DLG2: variants seen among roughly 807,000 people sequenced by gnomAD.
DLG2 encodes the protein disks large homolog 2.
DLG2 carries 45 observed loss-of-function variants against 132.5 expected under a neutral mutation model. The observed-to-expected ratio is 0.34, with a 90% CI of 0.27 to 0.44. The LOEUF (loss-of-function observed/expected upper bound fraction) is 0.44. Among genes scored for constraint, DLG2 ranks in the 20% least tolerant of loss-of-function variants. The pLI is 1.00. For missense variants in DLG2, 1,045 were observed against 1,196.9 expected (o/e 0.87, Z 1.87); for synonymous variants, 424 against 419.6 (o/e 1.01, Z -0.13).
intron 6 of DLG2, among the ~76,000 whole-genome samples, chr11:84,573,904 T>C (rs951217239): frequency 1.3e-5 from 2 of 152,216 alleles, no homozygotes; most frequent in African/African-American, 4.8e-5. Context: ...TGAGAAGAAC[T>C]ATGAAGACTT....
At chr11:85,021,393 C>T (rs1369766700) in intron 6 of DLG2, 6 of 1,356,442 alleles carry the variant, frequency 4.4e-6, no homozygotes, top group Non-Finnish European at 6.3e-6. Flanking sequence ...TCACTTTTGG[C>T]ACTGGAGCCA....
chr11:83,651,629 G>C (rs1159877027), intron 18 of DLG2: 3 of 266,640 alleles, frequency 1.1e-5, no homozygotes, highest in African/African-American at 6.6e-5. Context: ...TGAAGAAGAA[G>C]AAAGAAGAGG....
intron 9 of DLG2, among the ~76,000 whole-genome samples, chr11:84,147,480 G>T (rs2095128098): frequency 6.6e-6 from 1 of 152,040 alleles, no homozygotes; most frequent in Admixed American, 6.6e-5. Flanking sequence ...ATTTTAAAAA[G>T]GTATCAGAGC....
chr11:84,383,896 G>C (rs184993134), intron 7 of DLG2, among the ~76,000 whole-genome samples: 8 of 152,042 alleles, frequency 5.3e-5, no homozygotes, highest in African/African-American at 1.7e-4. Context: ...TCGTGGAAAT[G>C]TGTTACGCAG....
chr11:83,988,016 T>C (rs1188119741), intron 11 of DLG2, among the ~76,000 whole-genome samples: 1 of 152,150 alleles, frequency 6.6e-6, no homozygotes, highest in Non-Finnish European at 1.5e-5. Flanking sequence ...TTTAAGTTCC[T>C]TGTAGACTCT....
intron 6 of DLG2, among the ~76,000 whole-genome samples, chr11:84,603,277 C>T (rs913502311): frequency 1.5e-4 from 23 of 151,770 alleles, no homozygotes; most frequent in African/African-American, 5.1e-4. Flanking sequence ...TCTATGCACC[C>T]GGATCATGAT....
chr11:84,076,524 C>G (rs1414105458), intron 10 of DLG2, among the ~76,000 whole-genome samples: 2 of 152,224 alleles, frequency 1.3e-5, no homozygotes, highest in Admixed American at 1.3e-4. Flanking sequence ...CAAATTCACA[C>G]AGCAGATAAC....
intron 15 of DLG2, among the ~76,000 whole-genome samples, chr11:83,902,374 T>C (rs148860077): frequency 4.2e-4 from 64 of 152,306 alleles, no homozygotes; most frequent in African/African-American, 1.3e-3. Flanking sequence ...AAGATTGTTA[T>C]ATGGATATAA....
At chr11:84,487,948 G>A (rs1293313540) in intron 7 of DLG2, among the ~76,000 whole-genome samples, 1 of 152,150 alleles carries the variant, frequency 6.6e-6, no homozygotes, top group African/African-American at 2.4e-5. Context: ...CATTTTATTG[G>A]AGACAAAGTA....
At chr11:84,522,125 G>A (rs1413036096) in intron 7 of DLG2, among the ~76,000 whole-genome samples, 3 of 151,606 alleles carry the variant, frequency 2.0e-5, no homozygotes, top group Non-Finnish European at 4.4e-5. Flanking sequence ...CAGAGATCAT[G>A]CCACTGCACT....
Position 85,471,450 on chromosome 11 carries a change from G to C in DLG2, c.40+127207C>G, listed in dbSNP as rs191669086. ...ATCTGAAAAGGACTATAAAATGATG[G>C]TATTTAAATGTTTTTAAAAGATAAA... is the stretch of plus-strand genomic sequence containing the variant. On this transcript the variant is annotated intron_variant, in intron 3 of 27. Coordinates refer to ENST00000376104, the MANE Select transcript of DLG2 (RefSeq NM_001142699.3). Among the ~76,000 whole-genome samples, 397 of 152,118 alleles carry C rather than the reference G, an allele frequency of 2.6e-3. 1 individual carries two copies. Among genetic ancestry groups the C allele is most frequent in the African/African-American group, 9.1e-3 (376 of 41,498 alleles).
At chr11:84,749,605 A>T (rs575856799) in intron 6 of DLG2, among the ~76,000 whole-genome samples, 1 of 152,126 alleles carries the variant, frequency 6.6e-6, no homozygotes, top group Non-Finnish European at 1.5e-5. Flanking sequence ...TACACCATCT[A>T]GGCTTGTGTA....
At chr11:85,349,033 A>G (rs1197138104) in intron 3 of DLG2, among the ~76,000 whole-genome samples, 1 of 152,178 alleles carries the variant, frequency 6.6e-6, no homozygotes, top group Non-Finnish European at 1.5e-5. Flanking sequence ...GGGCATTCCA[A>G]GTTAACCAGA....
chr11:85,040,130 C>A (rs2061733701), intron 6 of DLG2, among the ~76,000 whole-genome samples: 1 of 151,764 alleles, frequency 6.6e-6, no homozygotes, highest in Non-Finnish European at 1.5e-5. Context: ...AAATTATAAC[C>A]CTATTGTAGA....
intron 6 of DLG2, among the ~76,000 whole-genome samples, chr11:84,883,283 G>A (rs567177263): frequency 2.6e-5 from 4 of 152,038 alleles, no homozygotes; most frequent in South Asian, 2.1e-4. Context: ...CACAGGGAGG[G>A]GAACCTCATA....
intron 10 of DLG2, among the ~76,000 whole-genome samples, chr11:84,094,163 A>G (rs891410004): frequency 2.0e-5 from 3 of 152,126 alleles, no homozygotes; most frequent in African/African-American, 7.2e-5. Flanking sequence ...TTCTGGCTCC[A>G]ATATTTACTA....
chr11:84,802,285 T>C (rs770546817), intron 6 of DLG2, among the ~76,000 whole-genome samples: 2 of 152,016 alleles, frequency 1.3e-5, no homozygotes, highest in African/African-American at 4.8e-5. Context: ...ATAGGAAAGA[T>C]GGAATTCCAA....
intron 16 of DLG2, among the ~76,000 whole-genome samples, chr11:83,867,332 A>G (rs1239979046): frequency 6.6e-6 from 1 of 152,174 alleles, no homozygotes; most frequent in African/African-American, 2.4e-5. Context: ...AGAGCCACAT[A>G]AAACACTTAC....
chr11:84,113,458 A>G (rs2093467119), intron 9 of DLG2, among the ~76,000 whole-genome samples: 1 of 152,220 alleles, frequency 6.6e-6, no homozygotes, highest in South Asian at 2.1e-4. Context: ...CCTGAAAACT[A>G]ATAAAGTGAG....
Sources: allele counts gnomAD v4.1 joint callset (sites outside exome capture counted in the v4.1 genomes callset), GRCh38; gene constraint gnomAD v4.1.1; transcripts MANE v1.5; gene names NCBI Gene and HGNC (gene_info 2026-07-23, HGNC 2026-07-21).